The following MARCHF1 variants were observed in gnomAD, a reference collection of about 807,000 sequenced individuals.
The protein encoded by MARCHF1 is E3 ubiquitin-protein ligase MARCHF1.
MARCHF1 carries 40 observed loss-of-function variants against 54.2 expected under a neutral mutation model. The observed-to-expected ratio is 0.74, with a 90% CI of 0.57 to 0.96. MARCHF1 has a LOEUF of 0.96. Among genes scored for constraint, MARCHF1 ranks in the 40% least tolerant of loss-of-function variants. MARCHF1 has a pLI of 0.00. For missense variants in MARCHF1, 586 were observed against 656.5 expected, an observed-to-expected ratio of 0.89 and a Z score of 1.17; for synonymous variants, 236 against 236.3, an observed-to-expected ratio of 1.00 and a Z score of 0.01.
chr4:164,129,808 A>G (rs1168877122), intron 1 of MARCHF1, among the ~76,000 whole-genome samples: 1 of 152,110 alleles, frequency 6.6e-6, no homozygotes, highest in African/African-American at 2.4e-5. Context: ...GAGGGAGAGC[A>G]TAAGGAAGAA....
chr4:163,890,209 C>T (rs1442014442), intron 3 of MARCHF1, among the ~76,000 whole-genome samples: 3 of 151,820 alleles, frequency 2.0e-5, no homozygotes, highest in Non-Finnish European at 4.4e-5. Flanking sequence ...GCTGGGATTA[C>T]AGGCGTGAGC....
intron 2 of MARCHF1, among the ~76,000 whole-genome samples, chr4:164,093,804 T>A (rs1293951057): frequency 6.6e-6 from 1 of 152,108 alleles, no homozygotes; most frequent in Non-Finnish European, 1.5e-5. Flanking sequence ...CCTTAATGTA[T>A]GGGTAAAATT....
intron 2 of MARCHF1, among the ~76,000 whole-genome samples, chr4:164,062,004 C>T (rs1417879830): frequency 6.6e-6 from 1 of 152,160 alleles, no homozygotes; most frequent in Non-Finnish European, 1.5e-5. Context: ...TAGAATTTTA[C>T]CCACAGAAGT....
chr4:163,948,917 G>A (rs1752075751), intron 3 of MARCHF1, among the ~76,000 whole-genome samples: 1 of 152,224 alleles, frequency 6.6e-6, no homozygotes, highest in African/African-American at 2.4e-5. Flanking sequence ...AAGTCTAGGG[G>A]ATTGTGAATG....
Position 164,062,404 on chromosome 4 carries a change from C to T in MARCHF1, c.-248+49184G>A, listed in dbSNP as rs546460389. Among the ~76,000 whole-genome samples, 6 of 151,982 alleles carry T rather than the reference C, an allele frequency of 3.9e-5. No homozygotes were observed. In the South Asian group the frequency reaches 8.3e-4, roughly 21 times the overall value. On this transcript the variant is annotated intron_variant, in intron 2 of 9. Transcript: ENST00000514618. ...TCCTTTATGAGTTACTAATGTTCTT[C>T]GTGGCATCTAGAATGGTGACTGCTT...
intron 1 of MARCHF1, among the ~76,000 whole-genome samples, chr4:164,231,709 C>A (rs777506768): frequency 2.6e-5 from 4 of 152,002 alleles, no homozygotes; most frequent in Non-Finnish European, 4.4e-5. Context: ...GTCTTTCAGC[C>A]CAAATTATAC....
At chr4:164,314,934 G>A (rs1434069959) in intron 1 of MARCHF1, among the ~76,000 whole-genome samples, 4 of 151,946 alleles carry the variant, frequency 2.6e-5, no homozygotes, top group South Asian at 2.1e-4. Context: ...GATTACGTTC[G>A]CTAAAAACTC....
intron 2 of MARCHF1, among the ~76,000 whole-genome samples, chr4:164,095,660 A>C (rs915818218): frequency 6.6e-6 from 1 of 152,140 alleles, no homozygotes; most frequent in African/African-American, 2.4e-5. Flanking sequence ...AAAGTAACCA[A>C]ACTTTCATCC....
chr4:164,197,329 C>T lies in MARCHF1; in HGVS notation c.-322-85667G>A, dbSNP rs376308693. 8.1e-6 allele frequency: 13 copies of T among 1,612,162 alleles called. No individual in the cohort carries two copies. The African/African-American group carries it at 1.7e-4, about 22-fold the overall frequency. ...CAGGAGAAGCTTGAACACGTTTTCT[C>T]CGTAGTCGTTCAGGTTGGTTACCTC... On this transcript the variant is annotated intron_variant, in intron 1 of 9. Coordinates refer to ENST00000514618, the MANE Select transcript of MARCHF1 (RefSeq NM_001394959.1).
rs1476210723 is a variant in MARCHF1 at position 164,190,037 on chromosome 4, C to T, written c.-322-78375G>A. 4 of 1,360,270 alleles carry T rather than the reference C, an allele frequency of 2.9e-6. No homozygotes were observed. The African/African-American group carries it at 5.7e-5, about 19-fold the overall frequency. 84.3% of individuals were successfully genotyped at this position (1,360,270 alleles called of 1,614,324 possible). On this transcript the variant is annotated intron_variant, in intron 1 of 9. Coordinates refer to ENST00000514618, the MANE Select transcript of MARCHF1 (RefSeq NM_001394959.1). Reference sequence around the variant, plus strand: ...AGTTTGCTGAGGAAGACACAAAGCTCAAGGAGTGCATTGATACTACAAATG... The same window carrying T: ...AGTTTGCTGAGGAAGACACAAAGCTTAAGGAGTGCATTGATACTACAAATG...
intron 1 of MARCHF1, among the ~76,000 whole-genome samples, chr4:164,224,153 C>T (rs1381746076): frequency 3.3e-5 from 5 of 151,136 alleles, no homozygotes; most frequent in Admixed American, 2.6e-4. Flanking sequence ...CGTATTAGGC[C>T]GCATTCATAT....
intron 3 of MARCHF1, among the ~76,000 whole-genome samples, chr4:163,862,053 C>G (rs1288373111): frequency 6.6e-6 from 1 of 151,932 alleles, no homozygotes; most frequent in East Asian, 1.9e-4. Flanking sequence ...ATACTTTTCA[C>G]AAAAATTAAC....
intron 1 of MARCHF1, among the ~76,000 whole-genome samples, chr4:164,131,433 T>C (rs1756299364): frequency 6.6e-6 from 1 of 152,170 alleles, no homozygotes; most frequent in Admixed American, 6.6e-5. Flanking sequence ...GGAAATACAA[T>C]CCCATAATTG....
intron 1 of MARCHF1, among the ~76,000 whole-genome samples, chr4:164,320,436 C>T (rs1735111928): frequency 6.6e-6 from 1 of 152,214 alleles, no homozygotes; most frequent in African/African-American, 2.4e-5. Context: ...GGCAAGGCGA[C>T]TAAAGTCACA....
intron 4 of MARCHF1, among the ~76,000 whole-genome samples, chr4:163,777,732 C>T (rs1747345172): frequency 6.6e-6 from 1 of 152,040 alleles, no homozygotes; most frequent in Non-Finnish European, 1.5e-5. Context: ...ATGTTTACCT[C>T]CTTCATATTT....
At chr4:164,161,565 AGCAGCAGCAGG>A (rs1730240554) in intron 1 of MARCHF1, among the ~76,000 whole-genome samples, 1 of 143,832 alleles carries the variant, frequency 7.0e-6, no homozygotes, top group Non-Finnish European at 1.5e-5. Context: ...CAGCAGCAGC[AGCAGCAGCAGG>A]CCAAAACCTA....
intron 1 of MARCHF1, among the ~76,000 whole-genome samples, chr4:164,311,922 T>C (rs75163531): frequency 0.035 from 5,266 of 152,274 alleles, 275 homozygotes; most frequent in Admixed American, 0.13. Context: ...CGATTCTCTC[T>C]CTTCTCTTAA....
intron 1 of MARCHF1, among the ~76,000 whole-genome samples, chr4:164,350,368 G>A (rs1730247205): frequency 6.6e-6 from 1 of 152,128 alleles, no homozygotes; most frequent in African/African-American, 2.4e-5. Flanking sequence ...GGGAAGGGAG[G>A]ATAGGGAGAG....
chr4:163,576,199 CACT>C (rs34154466), intron 8 of MARCHF1, among the ~76,000 whole-genome samples: 63,511 of 151,332 alleles, frequency 0.42, 13,556 homozygotes, highest in East Asian at 0.52. Context: ...TTCCTTTTAA[CACT>C]GCCTTTGCTG....
Sources: allele counts gnomAD v4.1 joint callset (sites outside exome capture counted in the v4.1 genomes callset), GRCh38; gene constraint gnomAD v4.1.1; transcripts MANE v1.5; gene names NCBI Gene and HGNC (gene_info 2026-07-23, HGNC 2026-07-21).